Variants in PACRG observed in about 807,000 individuals in gnomAD.
The protein encoded by PACRG is parkin coregulated gene protein.
PACRG carries 29 observed loss-of-function variants against 29.7 expected under a neutral mutation model. The ratio of observed to expected loss-of-function variants is 0.98; its 90% CI spans 0.73 to 1.33. The LOEUF (loss-of-function observed/expected upper bound fraction) is 1.33, where lower values mean the gene tolerates loss of function less well. Ranked by LOEUF, PACRG falls within the 40% of genes most tolerant of loss-of-function variation. The pLI, the probability that PACRG is intolerant of heterozygous loss-of-function variation, is 0.00. For synonymous variants in PACRG, 116 were observed against 118.7 expected (o/e 0.98, Z 0.15); for missense variants, 279 against 316.2 (o/e 0.88, Z 0.89).
chr6:162,946,701 G>T (rs116648872), intron 2 of PACRG, among the ~76,000 whole-genome samples: 1 of 151,570 alleles, frequency 6.6e-6, no homozygotes, highest in African/African-American at 2.4e-5. Flanking sequence ...ACTACAGACC[G>T]GATGAACATA....
intron 4 of PACRG, among the ~76,000 whole-genome samples, chr6:163,114,381 G>A (rs555372448): frequency 2.0e-5 from 3 of 152,260 alleles, no homozygotes; most frequent in East Asian, 1.9e-4. Context: ...GATATTAAAC[G>A]TAATCCTTAG....
chr6:162,992,224 G>A (rs1270628175), intron 2 of PACRG, among the ~76,000 whole-genome samples: 11 of 106,942 alleles, frequency 1.0e-4, no homozygotes, highest in Non-Finnish European at 1.6e-4. Flanking sequence ...GTCTCTGCCC[G>A]GCTTTGGTAT....
chr6:162,822,442 C>T (rs914734371), intron 2 of PACRG, among the ~76,000 whole-genome samples: 1 of 152,302 alleles, frequency 6.6e-6, no homozygotes, highest in Non-Finnish European at 1.5e-5. Flanking sequence ...AAGCACATTT[C>T]TTGCTATTGG....
intron 1 of PACRG, among the ~76,000 whole-genome samples, chr6:162,786,594 C>A (rs1398402788): frequency 6.6e-6 from 1 of 151,846 alleles, no homozygotes; most frequent in Admixed American, 6.5e-5. Context: ...GTAGAGGAGG[C>A]TGGTTCCCAG....
intron 2 of PACRG, among the ~76,000 whole-genome samples, chr6:162,973,665 T>C (rs1028546255): frequency 2.0e-5 from 3 of 152,236 alleles, no homozygotes; most frequent in African/African-American, 7.2e-5. Context: ...TCAGCATATT[T>C]ATGTTGTACT....
At chr6:163,227,227 G>A (rs1355944038) in intron 4 of PACRG, among the ~76,000 whole-genome samples, 1 of 152,152 alleles carries the variant, frequency 6.6e-6, no homozygotes, top group Non-Finnish European at 1.5e-5. Context: ...ACTCACGATA[G>A]AGGGCGAAGT....
intron 1 of PACRG, among the ~76,000 whole-genome samples, chr6:162,797,291 AC>A (rs1347454239): frequency 6.6e-6 from 1 of 151,064 alleles, no homozygotes; most frequent in Non-Finnish European, 1.5e-5. Context: ...AACAAAAAAA[AC>A]AACAACAACA....
chr6:163,045,296 C>G (rs1054370689), intron 2 of PACRG, among the ~76,000 whole-genome samples: 1 of 152,074 alleles, frequency 6.6e-6, no homozygotes, highest in African/African-American at 2.4e-5. Context: ...ACAACCACAC[C>G]CACCTCACAG....
chr6:163,248,456 G>A (rs1782778037), intron 4 of PACRG, among the ~76,000 whole-genome samples: 2 of 148,982 alleles, frequency 1.3e-5, no homozygotes, highest in Admixed American at 6.7e-5. Flanking sequence ...AAGATTTTGT[G>A]CTACCACATT....
intron 1 of PACRG, among the ~76,000 whole-genome samples, chr6:162,749,877 CT>C (rs1781389651): frequency 2.0e-5 from 3 of 152,134 alleles, no homozygotes; most frequent in Admixed American, 2.0e-4. Context: ...TATAGTAATA[CT>C]TTCATATTAT....
At chr6:162,994,867 TG>T (rs1456789120) in intron 2 of PACRG, among the ~76,000 whole-genome samples, 1 of 150,286 alleles carries the variant, frequency 6.7e-6, no homozygotes, top group Non-Finnish European at 1.5e-5. Context: ...CCCATCTTTG[TG>T]GTTTTATCTA....
intron 2 of PACRG, among the ~76,000 whole-genome samples, chr6:162,850,542 C>T (rs1224092584): frequency 6.6e-6 from 1 of 152,072 alleles, no homozygotes; most frequent in Non-Finnish European, 1.5e-5. Flanking sequence ...GGCCAATGCA[C>T]AATGGTTTAA....
intron 2 of PACRG, among the ~76,000 whole-genome samples, chr6:163,061,743 T>G (rs1811114506): frequency 6.6e-6 from 1 of 152,194 alleles, no homozygotes; most frequent in Admixed American, 6.5e-5. Context: ...CTTAGAACCT[T>G]GGGCACCAAT....
At chr6:163,234,355 G>C (rs1782154049) in intron 4 of PACRG, among the ~76,000 whole-genome samples, 1 of 152,096 alleles carries the variant, frequency 6.6e-6, no homozygotes, top group Non-Finnish European at 1.5e-5. Flanking sequence ...TGCAGAAACT[G>C]GTTGTTGAAA....
rs565427383 is a variant in PACRG, at chr6:163,045,904, G to A, written c.292-16246G>A. Among the ~76,000 whole-genome samples, 12 of 152,172 alleles carry A rather than the reference G, an allele frequency of 7.9e-5. No individual in the cohort carries two copies. In the South Asian group the frequency reaches 1.0e-3, roughly 13 times the overall value. On this transcript the variant is annotated intron_variant, in intron 2 of 4. Coordinates refer to ENST00000366888, the MANE Select transcript of PACRG (RefSeq NM_001080379.2). ...GCTGGGATTACAGGTGTGAGGCACC[G>A]TGCCCGGCCCAAACTGATGATTCTA...
chr6:163,142,324 A>G (rs992241953), intron 4 of PACRG, among the ~76,000 whole-genome samples: 18 of 152,228 alleles, frequency 1.2e-4, no homozygotes, highest in Non-Finnish European at 2.2e-4. Context: ...AGCACAAGAA[A>G]AAAGTCACAA....
chr6:162,858,131 C>T (rs755793920), intron 2 of PACRG, among the ~76,000 whole-genome samples: 2 of 152,114 alleles, frequency 1.3e-5, no homozygotes, highest in African/African-American at 2.4e-5. Flanking sequence ...AGTTTGTTTT[C>T]ACACTGCTAT....
chr6:163,202,061 C>G (rs1236818374), intron 4 of PACRG, among the ~76,000 whole-genome samples: 1 of 152,156 alleles, frequency 6.6e-6, no homozygotes, highest in Admixed American at 6.5e-5. Context: ...CGAGCAAACG[C>G]GGGGACCTGA....
intron 4 of PACRG, among the ~76,000 whole-genome samples, chr6:163,257,157 A>G (rs1413376350): frequency 6.6e-6 from 1 of 151,908 alleles, no homozygotes; most frequent in Non-Finnish European, 1.5e-5. Context: ...CAAAAACCCT[A>G]TTTCTAAATA....
Sources: gnomAD v4.1 joint callset for allele counts (sites outside exome capture counted in the v4.1 genomes callset) on GRCh38, gnomAD v4.1.1 for gene constraint, MANE v1.5 for transcripts, NCBI Gene and HGNC (gene_info 2026-07-23, HGNC 2026-07-21) for gene names.